The following ZPBP variants were observed in gnomAD, a reference collection of about 807,000 sequenced individuals.
ZPBP encodes the protein zona pellucida-binding protein 1.
A neutral mutation model predicts 44.8 loss-of-function variants in ZPBP; 26 were observed. The observed-to-expected ratio is 0.58, with a 90% CI of 0.43 to 0.81. The LOEUF is 0.81. ZPBP is among the 30% of genes least tolerant of loss of function. ZPBP has a pLI of 0.00. For missense variants in ZPBP, 409 were observed against 434.0 expected, an observed-to-expected ratio of 0.94 and a Z score of 0.51; for synonymous variants, 174 against 153.2, an observed-to-expected ratio of 1.14 and a Z score of -1.00.
downstream of ZPBP, among the ~76,000 whole-genome samples, chr7:49,848,553 G>C (rs144604103): frequency 6.6e-6 from 1 of 152,304 alleles, no homozygotes; most frequent in South Asian, 2.1e-4. Flanking sequence ...CTGCTCTCTC[G>C]TTTCCTGGTT....
At chr7:49,987,351 C>T (rs1179929039) in intron 6 of ZPBP, among the ~76,000 whole-genome samples, 5 of 151,994 alleles carry the variant, frequency 3.3e-5, no homozygotes, top group East Asian at 1.9e-4. Flanking sequence ...TTTTCTCAGT[C>T]GACTAAACTA....
At chr7:49,923,354 C>T (rs1217325547) in intron 1 of ZPBP, among the ~76,000 whole-genome samples, 1 of 152,144 alleles carries the variant, frequency 6.6e-6, no homozygotes, top group African/African-American at 2.4e-5. Context: ...ATGTTTGATG[C>T]ATGTTTAATA....
chr7:49,927,515 G>A (rs1380648014), intron 1 of ZPBP, among the ~76,000 whole-genome samples: 1 of 152,134 alleles, frequency 6.6e-6, no homozygotes, highest in Non-Finnish European at 1.5e-5. Context: ...TATTGGAAGG[G>A]AGAGTTCTAG....
chr7:49,981,457 A>AATATATATAATTATATATAATAT (rs1172760350), intron 7 of ZPBP, among the ~76,000 whole-genome samples: 5 of 17,346 alleles, frequency 2.9e-4, no homozygotes, highest in African/African-American at 1.9e-3. Flanking sequence ...ATGTACATAT[A>AATATATATAATTATATATAATAT]ATAATATATA....
chr7:50,047,995 T>A lies in ZPBP; in HGVS notation c.487+9994A>T, dbSNP rs75247368. On this transcript the variant is annotated intron_variant, in intron 4 of 7. Coordinates refer to ENST00000046087, the MANE Select transcript of ZPBP (RefSeq NM_007009.3). ...CTCAGTAGTTTCATGCAATTGCAGA[T>A]GCAAGTACCAGAATAGTATGGGAGG... Among the ~76,000 whole-genome samples the A allele has an allele frequency of 4.5e-3, 690 of 152,264 alleles. 3 individuals carry two copies. The highest frequency in any genetic ancestry group is 0.016 in the African/African-American group (670 of 41,554).
chr7:49,901,263 G>A (rs1792707764), intron 1 of ZPBP: 1 of 151,768 alleles, frequency 6.6e-6, no homozygotes, highest in South Asian at 2.1e-4. Context: ...GATAGGGAAA[G>A]AAGAAATAAA....
intron 2 of ZPBP, among the ~76,000 whole-genome samples, chr7:49,867,600 C>T (rs190636510): frequency 1.3e-4 from 20 of 152,284 alleles, no homozygotes; most frequent in Admixed American, 1.2e-3. Context: ...CTGTGTGGTG[C>T]TGGAGGCACA....
At chr7:49,925,569 G>GA (rs1179950233) in intron 1 of ZPBP, among the ~76,000 whole-genome samples, 14 of 152,154 alleles carry the variant, frequency 9.2e-5, no homozygotes, top group African/African-American at 1.2e-4. Flanking sequence ...CAATCACCTG[G>GA]AAAAAATTAC....
chr7:49,996,396 T>C (rs760541578), intron 6 of ZPBP, among the ~76,000 whole-genome samples: 18 of 152,156 alleles, frequency 1.2e-4, no homozygotes, highest in Non-Finnish European at 2.4e-4. Flanking sequence ...CCACACATCC[T>C]TACTCTGACT....
chr7:50,080,227 T>C (rs960024022), intron 3 of ZPBP, among the ~76,000 whole-genome samples: 1 of 151,736 alleles, frequency 6.6e-6, no homozygotes, highest in African/African-American at 2.4e-5. Flanking sequence ...TATAGTGTTC[T>C]TAATAAGTTT....
chr7:49,920,427 G>A (rs1187547651), intron 1 of ZPBP: 1 of 152,132 alleles, frequency 6.6e-6, no homozygotes, highest in Non-Finnish European at 1.5e-5. Context: ...GATAGGAAAG[G>A]TGGATATAAA....
chr7:50,056,466 T>C (rs1481132173), intron 4 of ZPBP: 1 of 152,236 alleles, frequency 6.6e-6, no homozygotes, highest in Non-Finnish European at 1.5e-5. Context: ...TTCAGGATAA[T>C]CTCCTCATCT....
intron 2 of ZPBP, among the ~76,000 whole-genome samples, chr7:49,881,391 T>C (rs1029791866): frequency 7.2e-5 from 11 of 152,198 alleles, no homozygotes; most frequent in African/African-American, 2.2e-4. Context: ...TTTGTGGTCA[T>C]AGGGGAGTCT....
At chr7:49,895,749 ATAGCATATAAATATAAAAATTAAG>A (rs1428523141) in intron 2 of ZPBP, among the ~76,000 whole-genome samples, 3 of 152,024 alleles carry the variant, frequency 2.0e-5, no homozygotes, top group African/African-American at 7.3e-5. Flanking sequence ...CTTGTAATAT[ATAGCATATAAATATAAAAATTAAG>A]TAGCATATAA....
chr7:50,031,355 A>G (rs1436698357), intron 4 of ZPBP, 45 bp from the exon 5 acceptor site: 2 of 1,438,940 alleles, frequency 1.4e-6, no homozygotes, highest in Non-Finnish European at 1.9e-6. Context: ...GGTTATTTAA[A>G]TAATTCAAAC....
intron 2 of ZPBP, among the ~76,000 whole-genome samples, chr7:49,863,535 G>A (rs1460778783): frequency 4.6e-5 from 7 of 152,090 alleles, no homozygotes; most frequent in Admixed American, 2.0e-4. Context: ...GGGCTCAAGC[G>A]ATCCTCCTGC....
In ZPBP at chr7:49,949,134, G is replaced by A. The variant is rs530987037; in HGVS notation, c.962-11512C>T. Among the ~76,000 whole-genome samples, 14 of 152,212 alleles carry A rather than the reference G, an allele frequency of 9.2e-5. 1 individual carries two copies. The highest frequency in any genetic ancestry group is 3.1e-4 in the African/African-American group (13 of 41,562). ...TATGCACCAAGGAAAAGCCATGTAA[G>A]GACAATACCAGAAGGTGGCTGTCTG... is the stretch of plus-strand genomic sequence containing the variant. On this transcript the variant is annotated intron_variant, in intron 7 of 7. Transcript: ENST00000046087.
rs1800706339 is a variant in ZPBP at position 50,051,688 on chromosome 7, C to T, written c.487+6301G>A. ...CATGGATGGAGCTGGAAGCCATTATCTTCAGCAAACTAATGCAGGAACAGA... is the reference window on the plus strand; with the variant it reads ...CATGGATGGAGCTGGAAGCCATTATTTTCAGCAAACTAATGCAGGAACAGA... On this transcript the variant is annotated intron_variant, in intron 4 of 7. Transcript: ENST00000046087. Among the ~76,000 whole-genome samples, 4 of 152,076 alleles carry T rather than the reference C, an allele frequency of 2.6e-5. No homozygotes were observed. In the South Asian group the frequency reaches 8.3e-4, roughly 32 times the overall value.
chr7:50,054,487 C>A (rs12718235), intron 4 of ZPBP, among the ~76,000 whole-genome samples: 120,721 of 151,850 alleles, frequency 0.8, 48,064 homozygotes, highest in East Asian at 0.92. Context: ...AATAATTAAG[C>A]AGTGTATATT....
Sources: allele counts gnomAD v4.1 joint callset (sites outside exome capture counted in the v4.1 genomes callset), GRCh38; gene constraint gnomAD v4.1.1; transcripts MANE v1.5; gene names NCBI Gene and HGNC (gene_info 2026-07-23, HGNC 2026-07-21).